The following AFF3 variants were observed in gnomAD, a reference collection of about 807,000 sequenced individuals.
The protein encoded by AFF3 is ALF transcription elongation factor 3.
Under a neutral mutation model 129.7 loss-of-function variants are expected in AFF3, and 32 were observed. That is an observed-to-expected ratio of 0.25 (90% CI 0.19 to 0.33). The LOEUF (loss-of-function observed/expected upper bound fraction) is 0.33. AFF3 is among the 10% of genes least tolerant of loss of function. The pLI, the probability that AFF3 is intolerant of heterozygous loss-of-function variation, is 1.00. For missense variants in AFF3, 1,373 were observed against 1,592.0 expected, an observed-to-expected ratio of 0.86 and a Z score of 2.34; for synonymous variants, 644 against 635.4, an observed-to-expected ratio of 1.01 and a Z score of -0.20.
At chr2:99,961,509 C>T (rs1031358837) in intron 7 of AFF3, among the ~76,000 whole-genome samples, 4 of 152,150 alleles carry the variant, frequency 2.6e-5, no homozygotes, top group African/African-American at 9.7e-5. Context: ...CTGGCTGGTC[C>T]ACTTGATGCA....
At chr2:99,553,936 AAAAAAGAAAAAG>A (rs1195287888) in intron 24 of AFF3, among the ~76,000 whole-genome samples, 50 of 149,752 alleles carry the variant, frequency 3.3e-4, no homozygotes, top group African/African-American at 1.2e-3. Flanking sequence ...AAAAAAAAAA[AAAAAAGAAAAAG>A]AAAAAGAAAA....
intron 11 of AFF3, among the ~76,000 whole-genome samples, chr2:99,682,332 T>A (rs968270851): frequency 6.6e-6 from 1 of 152,244 alleles, no homozygotes; most frequent in African/African-American, 2.4e-5. Flanking sequence ...GTTGGAATTT[T>A]CTAACTTATC....
In AFF3 at chr2:100,064,095, A is replaced by AAAAAG. The variant is rs5832894; in HGVS notation, c.53+40302_53+40306dup. Among the ~76,000 whole-genome samples the AAAAAG allele has an allele frequency of 6.0e-3, 884 of 146,948 alleles. 12 individuals carry two copies. Among genetic ancestry groups the AAAAAG allele is most frequent in the East Asian group, 0.033 (164 of 5,034 alleles). On this transcript the variant is annotated intron_variant, in intron 4 of 24. Transcript: ENST00000672756. ...CAAGAACAAAACTCCGTCTCAAAAA[A>AAAAAG]AAAAGAAAAGAAAAGAAAAGAAAAG...
intron 11 of AFF3, among the ~76,000 whole-genome samples, chr2:99,715,899 C>T (rs1255916195): frequency 6.6e-6 from 1 of 152,134 alleles, no homozygotes; most frequent in East Asian, 1.9e-4. Flanking sequence ...GTCTCGATCT[C>T]CTGACCTCGT....
intron 7 of AFF3, among the ~76,000 whole-genome samples, chr2:99,864,314 T>C (rs13035836): frequency 6.6e-6 from 1 of 152,144 alleles, no homozygotes; most frequent in Admixed American, 6.5e-5. Context: ...TATCTGCTGA[T>C]AAAAGTCCCT....
Position 99,568,844 on chromosome 2 carries a change from G to A in AFF3, c.2982+8C>T, listed in dbSNP as rs1459300087. On this transcript the variant is annotated splice_region_variant and intron_variant, in intron 19 of 24. Transcript: ENST00000672756. The stretch of plus-strand genomic sequence containing the variant: ...GGAAGAACGTATCTGGAAAGAAAAG[G>A]GTCTCACCATTGCATCTGCTTTATG... The A allele has an allele frequency of 6.2e-7, 1 of 1,613,716 alleles. No homozygotes were observed. Among genetic ancestry groups the A allele is most frequent in the Admixed American group, 1.7e-5 (1 of 60,022 alleles).
intron 19 of AFF3, among the ~76,000 whole-genome samples, chr2:99,567,122 C>A (rs966536819): frequency 6.7e-6 from 1 of 148,508 alleles, no homozygotes; most frequent in Non-Finnish European, 1.5e-5. Flanking sequence ...TGTGCACCAC[C>A]ACACCTGGCT....
At chr2:99,678,027 G>A (rs189164362) in intron 11 of AFF3, among the ~76,000 whole-genome samples, 1 of 152,318 alleles carries the variant, frequency 6.6e-6, no homozygotes, top group African/African-American at 2.4e-5. Flanking sequence ...TGTGTCCACT[G>A]TGTGGCAGGC....
In AFF3 at chr2:99,549,811, CA is replaced by C. The variant is rs1674282998; in HGVS notation, c.*1662del. 4 of 221,144 alleles carry C rather than the reference CA, an allele frequency of 1.8e-5. No individual in the cohort carries two copies. Among genetic ancestry groups the C allele is most frequent in the Non-Finnish European group, 3.6e-5 (4 of 110,596 alleles). 13.7% of individuals were successfully genotyped at this position (221,144 alleles called of 1,614,324 possible). ...ATGATCTTACTTCCCACCTACAGAT[CA>C]GGCTAACAAAAATGTTAACACTGCA... On this transcript the variant is annotated 3_prime_UTR_variant, in exon 25 of 25. Transcript: ENST00000672756.
At chr2:100,074,597 C>T (rs1235656440) in intron 4 of AFF3, among the ~76,000 whole-genome samples, 1 of 152,196 alleles carries the variant, frequency 6.6e-6, no homozygotes, top group Non-Finnish European at 1.5e-5. Context: ...TATCCCAGCA[C>T]TGTTTACAGA....
chr2:99,574,919 G>A lies in AFF3; in HGVS notation c.2918+3408C>T, dbSNP rs80159119. ...TTCACCCTCGGTGAAGAGAAGTCAA[G>A]GGAGGTGACAGGGCTGAGGTCTTCC... On this transcript the variant is annotated intron_variant, in intron 18 of 24. Transcript: ENST00000672756. Among the ~76,000 whole-genome samples the A allele has an allele frequency of 7.5e-3, 1,139 of 152,240 alleles. 13 individuals are homozygous for A. The highest frequency in any genetic ancestry group is 0.026 in the African/African-American group (1,093 of 41,546).
intron 14 of AFF3, among the ~76,000 whole-genome samples, chr2:99,596,167 A>G (rs1191345916): frequency 6.6e-6 from 1 of 152,194 alleles, no homozygotes; most frequent in Non-Finnish European, 1.5e-5. Context: ...AAATGAGTAG[A>G]AAGACAGATG....
chr2:99,600,987 C>T (rs3792133), intron 14 of AFF3, among the ~76,000 whole-genome samples: 13,724 of 152,082 alleles, frequency 0.09, 722 homozygotes, highest in East Asian at 0.12. Flanking sequence ...TCTTCTGATC[C>T]GTGACAAACC....
intron 1 of AFF3, among the ~76,000 whole-genome samples, chr2:100,141,727 A>G (rs1692885982): frequency 6.6e-6 from 1 of 152,218 alleles, no homozygotes; most frequent in African/African-American, 2.4e-5. Flanking sequence ...TCTTGCTATT[A>G]GTTCTCTTTG....
rs560880086 is a variant in AFF3 at position 99,710,341 on chromosome 2, C to T, written c.1091+16736G>A. Among the ~76,000 whole-genome samples, 6 of 152,280 alleles carry T rather than the reference C, an allele frequency of 3.9e-5. No individual in the cohort carries two copies. In the South Asian group the frequency reaches 1.2e-3, roughly 32 times the overall value. ...CGATCTTGGGTCATTGCAACCTCTG[C>T]TTCCCCAGTTCAAGGGATTATCATG... On this transcript the variant is annotated intron_variant, in intron 11 of 24. Coordinates refer to ENST00000672756, the MANE Select transcript of AFF3 (RefSeq NM_001386135.1).
intron 7 of AFF3, among the ~76,000 whole-genome samples, chr2:99,999,281 T>C (rs950678213): frequency 6.6e-6 from 1 of 152,204 alleles, no homozygotes. Context: ...AAATTATATG[T>C]TGGAAGTGTT....
At chr2:100,021,443 A>G (rs1314985289) in intron 4 of AFF3, among the ~76,000 whole-genome samples, 1 of 152,172 alleles carries the variant, frequency 6.6e-6, no homozygotes, top group East Asian at 1.9e-4. Flanking sequence ...CTTCCTTTTC[A>G]AAATTTAGGC....
chr2:99,597,225 G>A (rs1364960785), intron 14 of AFF3, among the ~76,000 whole-genome samples: 1 of 152,158 alleles, frequency 6.6e-6, no homozygotes, highest in East Asian at 1.9e-4. Context: ...CCACTGTTTG[G>A]CATAGCCTCG....
chr2:99,929,001 A>G (rs531704998), intron 7 of AFF3, among the ~76,000 whole-genome samples: 1 of 152,366 alleles, frequency 6.6e-6, no homozygotes, highest in East Asian at 1.9e-4. Flanking sequence ...ACTGTAGATT[A>G]AAGTCAACTT....
Sources: gnomAD v4.1 joint callset for allele counts (sites outside exome capture counted in the v4.1 genomes callset) on GRCh38, gnomAD v4.1.1 for gene constraint, MANE v1.5 for transcripts, NCBI Gene and HGNC (gene_info 2026-07-23, HGNC 2026-07-21) for gene names.